Variants in WWOX observed in about 807,000 individuals in gnomAD.
WWOX encodes the protein WW domain-containing oxidoreductase.
WWOX carries 69 observed loss-of-function variants against 46.2 expected under a neutral mutation model. The ratio of observed to expected loss-of-function variants is 1.49; its 90% confidence interval spans 1.23 to 1.82. The LOEUF (loss-of-function observed/expected upper bound fraction) is 1.82. Ranked by LOEUF, WWOX falls within the 40% of genes most tolerant of loss-of-function variation. The probability of loss-of-function intolerance (pLI) is 0.00; values close to 1 mark genes in which losing one functional copy is unlikely to be tolerated. For missense variants in WWOX, 919 were observed against 542.6 expected, an observed-to-expected ratio of 1.69 and a Z score of -6.89; for synonymous variants, 359 against 202.6, an observed-to-expected ratio of 1.77 and a Z score of -6.56.
chr16:78,748,179 A>G (rs1256652275), intron 8 of WWOX, among the ~76,000 whole-genome samples: 2 of 152,154 alleles, frequency 1.3e-5, no homozygotes, highest in East Asian at 1.9e-4. Context: ...CTGAGCTACA[A>G]AGGTGAACAG....
chr16:79,169,723 G>C (rs1487004471), intron 8 of WWOX, among the ~76,000 whole-genome samples: 2 of 152,344 alleles, frequency 1.3e-5, no homozygotes, highest in Middle Eastern at 3.4e-3. Context: ...TGGGTGGGCA[G>C]GATGGCTGGG....
intron 8 of WWOX, among the ~76,000 whole-genome samples, chr16:79,063,943 G>C (rs2048398274): frequency 6.6e-6 from 1 of 152,148 alleles, no homozygotes; most frequent in Non-Finnish European, 1.5e-5. Context: ...CAGTTAACCA[G>C]AATGTTGCAT....
intron 5 of WWOX, among the ~76,000 whole-genome samples, chr16:78,361,257 T>A (rs901516655): frequency 3.3e-5 from 5 of 152,188 alleles, no homozygotes; most frequent in Non-Finnish European, 7.3e-5. Flanking sequence ...AATGATGTGG[T>A]GTCTTTCTTA....
intron 8 of WWOX, among the ~76,000 whole-genome samples, chr16:79,165,848 A>C (rs2050583596): frequency 1.3e-5 from 2 of 152,174 alleles, no homozygotes; most frequent in African/African-American, 4.8e-5. Flanking sequence ...AACCGGGAAC[A>C]GGGTTATAAC....
intron 8 of WWOX, among the ~76,000 whole-genome samples, chr16:78,663,717 T>A (rs1178402819): frequency 6.6e-6 from 1 of 152,118 alleles, no homozygotes; most frequent in Non-Finnish European, 1.5e-5. Context: ...AGAAAACAGA[T>A]AGTGATTGTG....
At chr16:78,932,610 G>C (rs1041357085) in intron 8 of WWOX, among the ~76,000 whole-genome samples, 1 of 152,218 alleles carries the variant, frequency 6.6e-6, no homozygotes, top group African/African-American at 2.4e-5. Context: ...CCAAGCGCTG[G>C]AATTGCTGAC....
intron 8 of WWOX, among the ~76,000 whole-genome samples, chr16:78,846,797 A>G (rs1009370687): frequency 2.6e-5 from 4 of 152,150 alleles, no homozygotes; most frequent in Non-Finnish European, 4.4e-5. Flanking sequence ...CTTGCCTGCA[A>G]TGATTAATAC....
At chr16:79,191,029 A>G (rs2051125291) in intron 8 of WWOX, among the ~76,000 whole-genome samples, 1 of 152,166 alleles carries the variant, frequency 6.6e-6, no homozygotes. Context: ...TGAGCAAAGC[A>G]TGACTTCTTT....
chr16:78,385,463 A>G (rs1027986373), intron 5 of WWOX, among the ~76,000 whole-genome samples: 1 of 152,244 alleles, frequency 6.6e-6, no homozygotes, highest in Non-Finnish European at 1.5e-5. Context: ...ACTAATATTC[A>G]TCTTTTACAG....
At position 78,422,836 on chromosome 16, in the gene WWOX, T is replaced by TACAC. The variant is rs1567563661; in HGVS notation, c.606-2033_606-2032insCACA. Among the ~76,000 whole-genome samples, 145 of 106,664 alleles carry TACAC rather than the reference T, an allele frequency of 1.4e-3. 7 individuals are homozygous for TACAC. Among genetic ancestry groups the TACAC allele is most frequent in the African/African-American group, 5.7e-3 (141 of 24,682 alleles). The allele number at this position is 106,664 out of a possible 152,430, so 70.0% of individuals were successfully genotyped here. A position where few individuals can be genotyped will look rare whatever the true frequency, so the allele number is the denominator to read the frequency against. ...ATATATATACACACACATATATATA[T>TACAC]ATACATATACACACACACACACACA... is the stretch of plus-strand genomic sequence containing the variant. On this transcript the variant is annotated intron_variant, in intron 6 of 8. Coordinates refer to ENST00000566780, the MANE Select transcript of WWOX (RefSeq NM_016373.4).
At chr16:78,802,722 C>G (rs1597636737) in intron 8 of WWOX, among the ~76,000 whole-genome samples, 1 of 151,368 alleles carries the variant, frequency 6.6e-6, no homozygotes, top group Admixed American at 6.6e-5. Context: ...TCAAGATCAG[C>G]CTGGGCAATA....
intron 6 of WWOX, among the ~76,000 whole-genome samples, chr16:78,399,757 C>T (rs56961915): frequency 0.023 from 3,469 of 151,514 alleles, 116 homozygotes; most frequent in African/African-American, 0.081. Context: ...TCTTAGCATC[C>T]TAACCACCCT....
chr16:78,567,499 G>A (rs1279064340), intron 8 of WWOX, among the ~76,000 whole-genome samples: 1 of 138,860 alleles, frequency 7.2e-6, no homozygotes, highest in African/African-American at 2.8e-5. Context: ...CTTGCAGTGA[G>A]CAGAGATTGC....
rs138226953 is a variant in WWOX at position 78,565,139 on chromosome 16, C to G, written c.1056+132387C>G. 2.4e-3 allele frequency among the ~76,000 whole-genome samples: 366 copies of G among 152,370 alleles called. 1 individual carries two copies. Among genetic ancestry groups the G allele is most frequent in the Non-Finnish European group, 3.9e-3 (267 of 68,042 alleles). On this transcript the variant is annotated intron_variant, in intron 8 of 8. Transcript: ENST00000566780. ...GCAGCATAGCAGAGTAGAAGGAACT[C>G]TGACTTTGGCATTGGTGCCTCTAAG...
intron 8 of WWOX, among the ~76,000 whole-genome samples, chr16:78,573,588 C>T (rs1418786478): frequency 6.6e-6 from 1 of 152,194 alleles, no homozygotes; most frequent in Non-Finnish European, 1.5e-5. Context: ...TAATGCTCAG[C>T]TTGTCATTCC....
At chr16:78,352,015 A>C (rs2081195178) in intron 5 of WWOX, among the ~76,000 whole-genome samples, 1 of 152,064 alleles carries the variant, frequency 6.6e-6, no homozygotes, top group African/African-American at 2.4e-5. Flanking sequence ...GTTTGGTGGG[A>C]GCAGTTGATG....
chr16:78,770,644 G>C (rs562571927), intron 8 of WWOX, among the ~76,000 whole-genome samples: 3 of 152,148 alleles, frequency 2.0e-5, no homozygotes, highest in African/African-American at 7.2e-5. Context: ...GTGGAGTGCC[G>C]GGAAACTCCC....
At chr16:78,573,046 G>T (rs144250474) in intron 8 of WWOX, among the ~76,000 whole-genome samples, 1 of 152,186 alleles carries the variant, frequency 6.6e-6, no homozygotes, top group Non-Finnish European at 1.5e-5. Flanking sequence ...CCAGCACTTT[G>T]GGAGGCCAAG....
chr16:78,864,754 C>CTTTTTTTTTTT (rs57606576), intron 8 of WWOX, among the ~76,000 whole-genome samples: 2 of 87,160 alleles, frequency 2.3e-5, no homozygotes, highest in African/African-American at 4.8e-5. Context: ...TCTCCAACTC[C>CTTTTTTTTTTT]TTTTTTTTTT....
Sources: allele counts gnomAD v4.1 joint callset (sites outside exome capture counted in the v4.1 genomes callset), GRCh38; gene constraint gnomAD v4.1.1; transcripts MANE v1.5; gene names NCBI Gene and HGNC (gene_info 2026-07-23, HGNC 2026-07-21).